The following OR56A3 variants were observed in gnomAD, a reference collection of about 807,000 sequenced individuals.
OR56A3 encodes the protein olfactory receptor family 56 subfamily A member 3, also known as olfactory receptor 56A3.
In OR56A3, 23 loss-of-function variants were observed where a neutral mutation model predicts 17.5. The ratio of observed to expected loss-of-function variants is 1.32; its 90% CI spans 0.95 to 1.87. OR56A3 has a LOEUF of 1.87. Ranked by LOEUF, OR56A3 falls within the 40% of genes most tolerant of loss-of-function variation. The pLI is 0.00. For synonymous variants in OR56A3, 175 were observed against 150.6 expected (o/e 1.16, Z -1.19); for missense variants, 366 against 380.1 (o/e 0.96, Z 0.31).
chr11:5,947,674 T>G lies in OR56A3; in HGVS notation c.328T>G (p.Cys110Gly), dbSNP rs1564799823. Residue 110 changes from cysteine (C) to glycine (G), a missense_variant, in exon 3 of 3, where the codon TGT becomes GGT. Physicochemically the swap from Cys to Gly is radical, Grantham distance 159. Transcript: ENST00000641160. Reference protein sequence around the residue: ...ACFLQMYIMNCFLAMESCTFM... With the variant: ...ACFLQMYIMNGFLAMESCTFM... ...CTTCCTCCAGATGTACATCATGAAT[T>G]GTTTCCTAGCCATGGAGTCTTGCAC... 1.1e-5 allele frequency: 17 copies of G among 1,614,204 alleles called. No homozygotes were observed. Among genetic ancestry groups the G allele is most frequent in the Non-Finnish European group, 1.4e-5 (17 of 1,180,034 alleles).
At chr11:5,965,182 T>C in the OR56A3 span, among the ~76,000 whole-genome samples, 1 of 152,216 alleles carries the variant, frequency 6.6e-6, no homozygotes, top group Non-Finnish European at 1.5e-5. Context: ...GAAATCAACG[T>C]GCATTAGAAA....
chr11:5,953,904 GATTA>G (rs1487395812), downstream of OR56A3, among the ~76,000 whole-genome samples: 3 of 152,102 alleles, frequency 2.0e-5, no homozygotes, highest in East Asian at 3.9e-4. Context: ...GGGACTCATT[GATTA>G]ATTAATTAAT....
At position 5,947,517 on chromosome 11, in the gene OR56A3, C is replaced by G. The variant is rs1374796372; in HGVS notation, c.171C>G (p.Ala57=). 1.2e-6 allele frequency: 2 copies of G among 1,613,898 alleles called. No individual in the cohort carries two copies. The highest frequency in any genetic ancestry group is 1.3e-5 in the African/African-American group (1 of 74,902). ...TTLLMTIWLE[A]SLHQPLYYLL... ...TCCTGATGACCATCTGGCTGGAGGCCTCTCTGCACCAGCCCCTGTACTACC... is the reference window on the plus strand; with the variant it reads ...TCCTGATGACCATCTGGCTGGAGGCGTCTCTGCACCAGCCCCTGTACTACC... Residue 57 remains alanine, a synonymous_variant, in exon 3 of 3, where the codon GCC becomes GCG. Transcript: ENST00000641160.
chr11:6,014,606 T>C, the OR56A3 span, among the ~76,000 whole-genome samples: 1 of 152,254 alleles, frequency 6.6e-6, no homozygotes, highest in Non-Finnish European at 1.5e-5. Flanking sequence ...GGCATTTTGA[T>C]AAAGATACCT....
chr11:5,964,242 C>A, the OR56A3 span, among the ~76,000 whole-genome samples: 1 of 152,152 alleles, frequency 6.6e-6, no homozygotes, highest in Non-Finnish European at 1.5e-5. Context: ...ATTGCTGGCA[C>A]CTTACTTTGT....
At chr11:6,015,458 G>A in the OR56A3 span, among the ~76,000 whole-genome samples, 2 of 152,212 alleles carry the variant, frequency 1.3e-5, no homozygotes, top group African/African-American at 4.8e-5. Context: ...GCCTAGTGGA[G>A]CTGTAAGAAC....
At chr11:6,010,186 A>G in the OR56A3 span, among the ~76,000 whole-genome samples, 1 of 152,176 alleles carries the variant, frequency 6.6e-6, no homozygotes, top group South Asian at 2.1e-4. Flanking sequence ...CTTGTGACTG[A>G]TAATCCTGTT....
chr11:5,974,553 T>C, the OR56A3 span, among the ~76,000 whole-genome samples: 1 of 152,192 alleles, frequency 6.6e-6, no homozygotes, highest in Non-Finnish European at 1.5e-5. Flanking sequence ...CACATATTGA[T>C]GAGAATGTGG....
chr11:6,002,258 A>G, the OR56A3 span: 43 of 1,614,028 alleles, frequency 2.7e-5, no homozygotes, highest in Non-Finnish European at 3.6e-5. Flanking sequence ...TGAAGTGGGA[A>G]CCACACGTGC....
In OR56A3 at chr11:5,947,692, T is replaced by G; in HGVS notation, c.346T>G (p.Ser116Ala). Residue 116 changes from serine (S) to alanine (A), a missense_variant, in exon 3 of 3, where the codon TCT (serine) becomes GCT (alanine). Transcript: ENST00000641160. ...YIMNCFLAME[S>A]CTFMVMAYDR... ...CATGAATTGTTTCCTAGCCATGGAGTCTTGCACATTCATGGTCATGGCCTA... is the reference window on the plus strand; with the variant it reads ...CATGAATTGTTTCCTAGCCATGGAGGCTTGCACATTCATGGTCATGGCCTA... 1 of 1,614,128 alleles carries G rather than the reference T, an allele frequency of 6.2e-7. No homozygotes were observed. Among genetic ancestry groups the G allele is most frequent in the Non-Finnish European group, 8.5e-7 (1 of 1,180,008 alleles).
chr11:5,999,642 T>A, the OR56A3 span: 1 of 152,204 alleles, frequency 6.6e-6, no homozygotes, highest in Admixed American at 6.5e-5. Flanking sequence ...GGACATATAA[T>A]AGTATAAGAT....
chr11:5,963,076 TTTCTC>T, the OR56A3 span, among the ~76,000 whole-genome samples: 1 of 152,164 alleles, frequency 6.6e-6, no homozygotes, highest in Admixed American at 6.5e-5. Flanking sequence ...ATTTAAGTCT[TTTCTC>T]TTTTTTCTTA....
the OR56A3 span, among the ~76,000 whole-genome samples, chr11:5,971,933 T>C: frequency 6.6e-6 from 1 of 152,172 alleles, no homozygotes; most frequent in Non-Finnish European, 1.5e-5. Context: ...AATATATGAC[T>C]GACCTTCAAG....
the OR56A3 span, among the ~76,000 whole-genome samples, chr11:6,008,852 T>A: frequency 1.3e-5 from 2 of 152,134 alleles, no homozygotes; most frequent in Non-Finnish European, 2.9e-5. Flanking sequence ...ATTTATATCC[T>A]GTATATATCC....
At chr11:5,985,665 AT>A in the OR56A3 span, among the ~76,000 whole-genome samples, 1 of 152,198 alleles carries the variant, frequency 6.6e-6, no homozygotes, top group Non-Finnish European at 1.5e-5. Context: ...GCTATCATCT[AT>A]TTCTCCTATC....
chr11:5,976,099 T>C, the OR56A3 span, among the ~76,000 whole-genome samples: 4 of 151,878 alleles, frequency 2.6e-5, no homozygotes, highest in East Asian at 7.7e-4. Context: ...GAGATACCTG[T>C]TGTCTTGGGC....
the OR56A3 span, among the ~76,000 whole-genome samples, chr11:6,011,544 A>T: frequency 6.6e-6 from 1 of 152,106 alleles, no homozygotes; most frequent in Admixed American, 6.5e-5. Context: ...ATTCATCCTG[A>T]AAGTACAATC....
At position 5,947,604 on chromosome 11, in the gene OR56A3, G is replaced by C; in HGVS notation, c.258G>C (p.Leu86=). Residue 86 remains leucine, a synonymous_variant, in exon 3 of 3, where the codon CTG becomes CTC. Transcript: ENST00000641160. ...VLCLTVIPKV[L]TIFWFDLRPI... ...GCCTCACTGTCATCCCCAAGGTCCT[G>C]ACCATCTTCTGGTTTGACCTCAGGC... 1 of 1,614,174 alleles carries C rather than the reference G, an allele frequency of 6.2e-7. No individual in the cohort carries two copies. Among genetic ancestry groups the C allele is most frequent in the South Asian group, 1.1e-5 (1 of 91,084 alleles).
Position 5,947,470 on chromosome 11 carries a change from G to T in OR56A3, c.124G>T (p.Ala42Ser), listed in dbSNP as rs1377232294. 6.2e-7 allele frequency: 1 copy of T among 1,613,918 alleles called. No individual in the cohort carries two copies. The highest frequency in any genetic ancestry group is 1.3e-5 in the African/African-American group (1 of 74,990). The part of the protein sequence containing the change: ...SLPLSLLFLL[A>S]VGANTTLLMT... ...GCCCCTCAGCCTCCTTTTCCTCTTG[G>T]CCGTAGGGGCCAACACCACCCTCCT... The change falls in exon 3 of 3, where the codon GCC (alanine) becomes TCC (serine). Residue 42 changes from alanine to serine, a missense_variant. Transcript: ENST00000641160.
Sources: allele counts gnomAD v4.1 joint callset (sites outside exome capture counted in the v4.1 genomes callset), GRCh38; gene constraint gnomAD v4.1.1; transcripts MANE v1.5; gene names NCBI Gene and HGNC (gene_info 2026-07-23, HGNC 2026-07-21).